ANKRD30A: variants seen among roughly 807,000 people sequenced by gnomAD.
The protein encoded by ANKRD30A is ankyrin repeat domain-containing protein 30A.
ANKRD30A carries 170 observed loss-of-function variants against 166.3 expected under a neutral mutation model. The ratio of observed to expected loss-of-function variants is 1.02; its 90% confidence interval spans 0.90 to 1.16. The LOEUF (loss-of-function observed/expected upper bound fraction) is 1.16. Ranked by LOEUF, ANKRD30A falls within the 50% of genes most tolerant of loss-of-function variation. ANKRD30A has a pLI of 0.00. For synonymous variants in ANKRD30A, 564 were observed against 508.9 expected, an observed-to-expected ratio of 1.11 and a Z score of -1.46; for missense variants, 1,630 against 1,518.0, an observed-to-expected ratio of 1.07 and a Z score of -1.23.
In ANKRD30A at chr10:37,165,141, TC is replaced by T. The variant is rs1839212258; in HGVS notation, c.2051del (p.Ser684PhefsTer27). ...ESKQKDYEEN[S>X]WDTESLCETV... ...CAAACAAAAGGACTATGAAGAAAAT[TC>T]TTGGGATACTGAGGTACTGTGTGTT... is the stretch of plus-strand genomic sequence containing the variant. On this transcript the variant is annotated frameshift_variant, in exon 18 of 36. Transcript: ENST00000361713. LOFTEE classifies it high-confidence loss of function. The T allele has an allele frequency of 1.2e-6, 2 of 1,608,682 alleles. No individual in the cohort carries two copies. The highest frequency in any genetic ancestry group is 2.7e-5 in the African/African-American group (2 of 74,760).
intron 33 of ANKRD30A, among the ~76,000 whole-genome samples, chr10:37,218,710 A>T (rs763496023): frequency 2.7e-5 from 4 of 150,694 alleles, no homozygotes; most frequent in Non-Finnish European, 6.0e-5. Flanking sequence ...AATTCAGGGA[A>T]AGTTTTTTTT....
rs186223474 is a variant in ANKRD30A, at chr10:37,130,161, A to T, written c.337-44A>T. 2.4e-5 allele frequency: 30 copies of T among 1,253,870 alleles called. No homozygotes were observed. In the African/African-American group the frequency reaches 4.6e-4, roughly 19 times the overall value. 77.7% of individuals were successfully genotyped at this position (1,253,870 alleles called of 1,614,324 possible). On this transcript the variant is annotated intron_variant, in intron 2 of 35. Coordinates refer to ENST00000361713, the MANE Select transcript of ANKRD30A (RefSeq NM_052997.3). ...TTTATAATTTATAATAATTTATATT[A>T]TAAATTATACAGTTTACAATAATTC...
intron 31 of ANKRD30A, among the ~76,000 whole-genome samples, chr10:37,205,106 C>A (rs1361621779): frequency 1.3e-5 from 2 of 152,084 alleles, no homozygotes; most frequent in South Asian, 4.2e-4. Context: ...TGGTTATATA[C>A]CCAAAGGATT....
chr10:37,157,515 A>C (rs1200884), intron 13 of ANKRD30A, among the ~76,000 whole-genome samples: 1 of 152,186 alleles, frequency 6.6e-6, no homozygotes, highest in African/African-American at 2.4e-5. Context: ...ACAGGCATGT[A>C]CCACCATACC....
At chr10:37,179,548 A>G (rs1840041926) in intron 24 of ANKRD30A, among the ~76,000 whole-genome samples, 2 of 150,596 alleles carry the variant, frequency 1.3e-5, no homozygotes, top group Admixed American at 1.3e-4. Flanking sequence ...AGGAATATTT[A>G]TATTTAATAT....
chr10:37,148,541 G>A (rs1837681312), intron 9 of ANKRD30A, among the ~76,000 whole-genome samples: 2 of 151,864 alleles, frequency 1.3e-5, no homozygotes, highest in Admixed American at 1.3e-4. Flanking sequence ...AAGGTAGGTA[G>A]GTAATTTTGG....
chr10:37,162,132 A>C (rs147988771), intron 15 of ANKRD30A, among the ~76,000 whole-genome samples: 34 of 152,272 alleles, frequency 2.2e-4, no homozygotes, highest in African/African-American at 7.7e-4. Context: ...TGATTACACC[A>C]TATGGTTATG....
At chr10:37,138,114 A>G (rs1836845491) in intron 6 of ANKRD30A, among the ~76,000 whole-genome samples, 1 of 152,164 alleles carries the variant, frequency 6.6e-6, no homozygotes, top group Admixed American at 6.5e-5. Flanking sequence ...ACCCAGGCAA[A>G]CAGGGTCTGG....
the ANKRD30A span, among the ~76,000 whole-genome samples, chr10:37,262,119 C>T: frequency 1.3e-5 from 2 of 152,164 alleles, no homozygotes; most frequent in Non-Finnish European, 2.9e-5. Context: ...TATACAAAGT[C>T]AGAGTTTCTT....
chr10:37,246,991 T>C, the ANKRD30A span, among the ~76,000 whole-genome samples: 34 of 152,022 alleles, frequency 2.2e-4, no homozygotes, highest in East Asian at 6.0e-3. Flanking sequence ...GAGACCGAGG[T>C]GGGTGGATCA....
rs753745819 is a variant in ANKRD30A, at chr10:37,162,633, C to G, written c.1901-16C>G. 1 of 1,611,898 alleles carries G rather than the reference C, an allele frequency of 6.2e-7. No individual in the cohort carries two copies. The highest frequency in any genetic ancestry group is 8.5e-7 in the Non-Finnish European group (1 of 1,179,672). On this transcript the variant is annotated splice_polypyrimidine_tract_variant and intron_variant, in intron 15 of 35. Transcript: ENST00000361713. ...TATTTACATATGATTGATGATAAAT[C>G]TCTTTTGCTTTTTAGAGCCTCCGGG...
the ANKRD30A span, among the ~76,000 whole-genome samples, chr10:37,259,150 G>A: frequency 4.6e-5 from 7 of 151,962 alleles, no homozygotes; most frequent in South Asian, 1.5e-3. Flanking sequence ...AGAAAGAAAA[G>A]GGAAGTTAAA....
the ANKRD30A span, among the ~76,000 whole-genome samples, chr10:37,241,450 TA>T: frequency 3.3e-5 from 5 of 151,962 alleles, no homozygotes; most frequent in African/African-American, 9.7e-5. Flanking sequence ...TATGGCATTT[TA>T]AACCATGTTT....
rs1588793591 is a variant in ANKRD30A at position 37,149,803 on chromosome 10, T to C, written c.1599T>C (p.Val533=). Residue 533 remains valine (V), a synonymous_variant, in exon 11 of 36, where the codon GTT becomes GTC. Transcript: ENST00000361713. ...FKPAIEMQNS[V]PNKAFELKNE... is the part of the protein sequence containing the mutation. ...CTGCCATTGAAATGCAAAACTCTGTTCCAAATAAAGCCTTTGAATTGAAGA... is the reference window on the plus strand; with the variant it reads ...CTGCCATTGAAATGCAAAACTCTGTCCCAAATAAAGCCTTTGAATTGAAGA... 6.2e-7 allele frequency: 1 copy of C among 1,612,964 alleles called. No individual in the cohort carries two copies.
chr10:37,250,199 G>T, the ANKRD30A span, among the ~76,000 whole-genome samples: 1 of 152,130 alleles, frequency 6.6e-6, no homozygotes, highest in African/African-American at 2.4e-5. Context: ...GATGAGTCCT[G>T]GGGTCTGTGG....
intron 24 of ANKRD30A, chr10:37,178,535 A>C (rs1479601066): frequency 2.0e-6 from 2 of 978,770 alleles, no homozygotes; most frequent in African/African-American, 1.8e-5. Context: ...CTTTTGTGGG[A>C]AAAATGTGGA....
At chr10:37,203,199 C>T (rs1426574944) in intron 31 of ANKRD30A, among the ~76,000 whole-genome samples, 1 of 152,166 alleles carries the variant, frequency 6.6e-6, no homozygotes, top group African/African-American at 2.4e-5. Context: ...GAATTTTAGA[C>T]CAGTATCCCT....
chr10:37,244,283 A>G, the ANKRD30A span, among the ~76,000 whole-genome samples: 1 of 152,196 alleles, frequency 6.6e-6, no homozygotes, highest in East Asian at 1.9e-4. Flanking sequence ...CATGTACATC[A>G]TGACATTGCA....
Position 37,130,347 on chromosome 10 carries a change from C to A in ANKRD30A, c.479C>A (p.Ser160Tyr), listed in dbSNP as rs762884323. 56 of 1,564,430 alleles carry A rather than the reference C, an allele frequency of 3.6e-5. No individual in the cohort carries two copies. Among genetic ancestry groups the A allele is most frequent in the Non-Finnish European group, 4.5e-5 (52 of 1,155,660 alleles). The change falls in exon 3 of 36, where the codon TCC becomes TAC. Residue 160 changes from serine to tyrosine, a missense_variant. This residue lies in a region of ANKRD30A where 904 missense variants were observed against 818.5 expected (regional missense o/e 1.10). Transcript: ENST00000361713. ...EILSVVAKLL[S>Y]HGAVIEVHNK... ...TTGTCAGTGGTGGCAAAACTGCTGT[C>A]CCATGGTGCAGTCATCGAAGTGCAC...
Sources: gnomAD v4.1 joint callset for allele counts (sites outside exome capture counted in the v4.1 genomes callset) on GRCh38, gnomAD v4.1.1 for gene constraint, gnomAD v4.1.1 regional missense constraint, MANE v1.5 for transcripts, NCBI Gene and HGNC (gene_info 2026-07-23, HGNC 2026-07-21) for gene names.